GTF2B: variants seen among roughly 807,000 people sequenced by gnomAD.
GTF2B encodes transcription initiation factor IIB.
A neutral mutation model predicts 34.6 loss-of-function variants in GTF2B; 20 were observed. The ratio of observed to expected loss-of-function variants is 0.58; its 90% CI spans 0.41 to 0.84. The LOEUF is 0.84. Among genes scored for constraint, GTF2B ranks in the 40% least tolerant of loss-of-function variants. GTF2B has a pLI of 0.00. For missense variants in GTF2B, 237 were observed against 393.3 expected, an observed-to-expected ratio of 0.60 and a Z score of 3.36; for synonymous variants, 142 against 132.4, an observed-to-expected ratio of 1.07 and a Z score of -0.50.
chr1:88,859,625 C>T (rs1197882778), intron 5 of GTF2B, among the ~76,000 whole-genome samples: 1 of 152,130 alleles, frequency 6.6e-6, no homozygotes, highest in African/African-American at 2.4e-5. Flanking sequence ...CACCTGAGGT[C>T]AGAAGTTTGA....
intron 5 of GTF2B, among the ~76,000 whole-genome samples, 177 bp from the exon 6 acceptor site, chr1:88,857,664 C>A (rs568072042): frequency 4.3e-5 from 6 of 139,174 alleles, no homozygotes; most frequent in Non-Finnish European, 9.2e-5. Flanking sequence ...CTGCAAATTT[C>A]TCAGTTAACT....
At chr1:88,883,403 C>T (rs1460577441) in intron 2 of GTF2B, among the ~76,000 whole-genome samples, 2 of 152,126 alleles carry the variant, frequency 1.3e-5, no homozygotes, top group East Asian at 1.9e-4. Flanking sequence ...AAATATTCAG[C>T]TTCTATTTCT....
chr1:88,865,157 G>A, intron 2 of GTF2B, among the ~76,000 whole-genome samples: 1 of 152,208 alleles, frequency 6.6e-6, no homozygotes, highest in South Asian at 2.1e-4. Context: ...AGTCAGGGGT[G>A]TGAACTCTGC....
chr1:88,855,765 C>T (rs1447192708), intron 6 of GTF2B, among the ~76,000 whole-genome samples: 1 of 152,142 alleles, frequency 6.6e-6, no homozygotes, highest in East Asian at 1.9e-4. Flanking sequence ...AGTGATTCTC[C>T]TACTTCAGCC....
chr1:88,875,824 G>A (rs1369516637), intron 2 of GTF2B, among the ~76,000 whole-genome samples: 2 of 152,102 alleles, frequency 1.3e-5, no homozygotes, highest in Non-Finnish European at 2.9e-5. Flanking sequence ...ATCACTCTCA[G>A]TGACCAACCA....
At chr1:88,853,579 T>A (rs1408086158) in intron 6 of GTF2B, among the ~76,000 whole-genome samples, 12 of 151,918 alleles carry the variant, frequency 7.9e-5, no homozygotes, top group Non-Finnish European at 4.4e-5. Flanking sequence ...CCGAGGCGGG[T>A]GGATCACCAG....
intron 2 of GTF2B, among the ~76,000 whole-genome samples, chr1:88,882,309 CCAAAAAA>C (rs1369976147): frequency 1.5e-5 from 1 of 65,504 alleles, no homozygotes; most frequent in Admixed American, 2.2e-4. Context: ...GACTCTCACT[CCAAAAAA>C]AAAAAAAAAA....
chr1:88,885,492 A>G (rs1035924421), intron 2 of GTF2B, among the ~76,000 whole-genome samples: 3 of 151,574 alleles, frequency 2.0e-5, no homozygotes, highest in African/African-American at 7.3e-5. Context: ...TCACGCCTGT[A>G]ATCCCAGCAC....
chr1:88,862,954 C>T (rs1277991774), intron 3 of GTF2B, among the ~76,000 whole-genome samples: 1 of 147,882 alleles, frequency 6.8e-6, no homozygotes, highest in East Asian at 2.0e-4. Context: ...TTAAACAAGA[C>T]TTTTTTGGAA....
chr1:88,855,780 T>C (rs926550529), intron 6 of GTF2B, among the ~76,000 whole-genome samples: 1 of 152,116 alleles, frequency 6.6e-6, no homozygotes, highest in African/African-American at 2.4e-5. Context: ...TCAGCCTCCC[T>C]ACTAAATGGG....
At chr1:88,869,468 T>G (rs1673637726) in intron 2 of GTF2B, among the ~76,000 whole-genome samples, 1 of 152,236 alleles carries the variant, frequency 6.6e-6, no homozygotes, top group Admixed American at 6.5e-5. Flanking sequence ...TTGAAATTTT[T>G]TGAAATTATT....
intron 2 of GTF2B, among the ~76,000 whole-genome samples, chr1:88,877,127 T>A (rs920025849): frequency 6.6e-6 from 1 of 152,234 alleles, no homozygotes; most frequent in African/African-American, 2.4e-5. Flanking sequence ...GAATGGAGCC[T>A]AGAATCTTTT....
intron 2 of GTF2B, 114 bp from the exon 3 acceptor site, chr1:88,864,228 TAGGACCA>T (rs1295813032): frequency 3.5e-6 from 3 of 863,952 alleles, no homozygotes; most frequent in Non-Finnish European, 5.7e-6. Flanking sequence ...CATGGACATC[TAGGACCA>T]AGCTTAAATA....
chr1:88,889,078 G>T (rs189712306), intron 1 of GTF2B, among the ~76,000 whole-genome samples: 1 of 152,226 alleles, frequency 6.6e-6, no homozygotes, highest in East Asian at 1.9e-4. Context: ...GGTCACTTTC[G>T]TGGGGGAAGA....
intron 1 of GTF2B, among the ~76,000 whole-genome samples, chr1:88,891,148 A>C (rs1264473396): frequency 4.3e-4 from 3 of 6,994 alleles, no homozygotes; most frequent in Non-Finnish European, 5.7e-4. Context: ...GGAGGAGAGG[A>C]GGGAGGGTGG....
chr1:88,889,089 G>C (rs1674137525), intron 1 of GTF2B, among the ~76,000 whole-genome samples: 1 of 152,164 alleles, frequency 6.6e-6, no homozygotes, highest in African/African-American at 2.4e-5. Context: ...TGGGGGAAGA[G>C]AGGTTAGAAC....
rs199559850 is a variant in GTF2B, at chr1:88,891,529, G to C, written c.-30C>G. The C allele has an allele frequency of 1.6e-4, 258 of 1,592,018 alleles. No homozygotes were observed. The highest frequency in any genetic ancestry group is 2.1e-4 in the Non-Finnish European group (244 of 1,165,710). Reference sequence around the variant, plus strand: ...ACGGCGACTGCGGTGCCCGCAACAAGACACAACAGACACACCGAAAGCAGG... The same window carrying C: ...ACGGCGACTGCGGTGCCCGCAACAACACACAACAGACACACCGAAAGCAGG... On this transcript the variant is annotated 5_prime_UTR_variant, in exon 1 of 7. Coordinates refer to ENST00000370500, the MANE Select transcript of GTF2B (RefSeq NM_001514.6).
intron 6 of GTF2B, 36 bp from the exon 7 acceptor site, chr1:88,853,382 C>T (rs1401910367): frequency 1.3e-6 from 2 of 1,590,162 alleles, no homozygotes; most frequent in East Asian, 4.5e-5. Context: ...ACCATCATTT[C>T]CATCCTACCT....
intron 1 of GTF2B, among the ~76,000 whole-genome samples, chr1:88,889,190 A>T (rs1570740455): frequency 6.6e-6 from 1 of 152,186 alleles, no homozygotes; most frequent in African/African-American, 2.4e-5. Flanking sequence ...GATGGCTGGG[A>T]GCTAGGAAAG....
Sources: allele counts gnomAD v4.1 joint callset (sites outside exome capture counted in the v4.1 genomes callset), GRCh38; gene constraint gnomAD v4.1.1; transcripts MANE v1.5; gene names NCBI Gene and HGNC (gene_info 2026-07-23, HGNC 2026-07-21).